ELP4: variants seen among roughly 807,000 people sequenced by gnomAD.
ELP4 encodes elongator acetyltransferase complex subunit 4.
In ELP4, 51 loss-of-function variants were observed where a neutral mutation model predicts 48.9. That is an observed-to-expected ratio of 1.04 (90% CI 0.83 to 1.32). The LOEUF (loss-of-function observed/expected upper bound fraction) is 1.32. Ranked by LOEUF, ELP4 falls within the 40% of genes most tolerant of loss-of-function variation. The probability of loss-of-function intolerance (pLI) is 0.00; values close to 1 mark genes in which losing one functional copy is unlikely to be tolerated. For synonymous variants in ELP4, 210 were observed against 189.2 expected (o/e 1.11, Z -0.90); for missense variants, 519 against 514.6 (o/e 1.01, Z -0.08).
intron 5 of ELP4, among the ~76,000 whole-genome samples, chr11:31,604,178 G>C (rs908198881): frequency 1.3e-5 from 2 of 151,638 alleles, no homozygotes; most frequent in Non-Finnish European, 3.0e-5. Flanking sequence ...ATAAGTGCTG[G>C]TTTTCAAGAA....
At chr11:31,539,863 G>A in intron 3 of ELP4, 80 bp downstream of exon 3, 1 of 1,222,220 alleles carries the variant, frequency 8.2e-7, no homozygotes. Context: ...CAAGATATAT[G>A]TTTGTATATA....
intron 1 of ELP4, chr11:31,510,523 G>A: frequency 2.5e-6 from 1 of 405,228 alleles, no homozygotes; most frequent in Admixed American, 4.1e-5. Flanking sequence ...CTTTAAGAGA[G>A]CGAATGTTAA....
chr11:31,761,288 T>C (rs955878560), intron 9 of ELP4, among the ~76,000 whole-genome samples: 1 of 150,974 alleles, frequency 6.6e-6, no homozygotes, highest in African/African-American at 2.4e-5. Context: ...CAGTGAGCCA[T>C]GATTGCACGA....
At chr11:31,517,914 G>A (rs540931314) in intron 1 of ELP4, among the ~76,000 whole-genome samples, 113 of 151,562 alleles carry the variant, frequency 7.5e-4, no homozygotes, top group Middle Eastern at 3.4e-3. Context: ...CACCGCACCC[G>A]GCCCAACTTT....
At chr11:31,565,874 A>T (rs1170038606) in intron 3 of ELP4, among the ~76,000 whole-genome samples, 1 of 152,172 alleles carries the variant, frequency 6.6e-6, no homozygotes. Context: ...TTGGTTCCAT[A>T]TGAACTGTAA....
Position 31,785,780 on chromosome 11 carries a change from ATC to A in ELP4, c.*2262_*2263del, listed in dbSNP as rs1326247875. The A allele has an allele frequency of 5.2e-6, 1 of 194,060 alleles. No individual in the cohort carries two copies. The highest frequency in any genetic ancestry group is 2.3e-5 in the African/African-American group (1 of 43,168). 12.0% of individuals were successfully genotyped at this position (194,060 alleles called of 1,614,324 possible). A position where few individuals can be genotyped will look rare whatever the true frequency, so the allele number is the denominator to read the frequency against. On this transcript the variant is annotated 3_prime_UTR_variant, in exon 10 of 10. Transcript: ENST00000640961. ...TGTTAATAACTTACTACATAAACAT[ATC>A]TCTCTTCAATAATGCTACCTTAGGT...
chr11:31,646,284 T>C (rs1454857519), intron 7 of ELP4: 1 of 151,866 alleles, frequency 6.6e-6, no homozygotes, highest in Non-Finnish European at 1.5e-5. Context: ...TTTTACTGAT[T>C]CTTTTTAACA....
chr11:31,563,276 T>C lies in ELP4; in HGVS notation c.381+23493T>C, dbSNP rs964794275. Among the ~76,000 whole-genome samples, 2 of 152,098 alleles carry C rather than the reference T, an allele frequency of 1.3e-5. 1 individual carries two copies. On this transcript the variant is annotated intron_variant, in intron 3 of 9. Transcript: ENST00000640961. ...TGATGCCCATAGTTGGTGTAATGCA[T>C]TGGTGATTAAGAGGGTGTGAGGTTA...
intron 9 of ELP4, among the ~76,000 whole-genome samples, chr11:31,773,878 A>G (rs1281561597): frequency 6.6e-6 from 1 of 152,170 alleles, no homozygotes; most frequent in African/African-American, 2.4e-5. Flanking sequence ...TGACTGTTAC[A>G]TTGTAAGACT....
At chr11:31,587,904 T>C (rs1032092000) in intron 3 of ELP4, among the ~76,000 whole-genome samples, 4 of 152,168 alleles carry the variant, frequency 2.6e-5, no homozygotes, top group Non-Finnish European at 5.9e-5. Context: ...ATTCATGTTT[T>C]ATGTATGCAC....
chr11:31,560,928 T>C (rs1348700836), intron 3 of ELP4, among the ~76,000 whole-genome samples: 1 of 152,024 alleles, frequency 6.6e-6, no homozygotes, highest in East Asian at 1.9e-4. Flanking sequence ...GCTGTACAGG[T>C]TGGTAGCCTA....
chr11:31,766,635 AT>A (rs1394502670), intron 9 of ELP4, among the ~76,000 whole-genome samples: 1 of 152,106 alleles, frequency 6.6e-6, no homozygotes, highest in Admixed American at 6.5e-5. Context: ...GACTGTTGAA[AT>A]ATACAAGACA....
At chr11:31,574,437 C>T (rs994685269) in intron 3 of ELP4, among the ~76,000 whole-genome samples, 8 of 152,174 alleles carry the variant, frequency 5.3e-5, no homozygotes, top group African/African-American at 1.4e-4. Context: ...AGAGAGTAGT[C>T]GTTCTCCCAG....
At chr11:31,624,725 A>T (rs1028492484) in intron 5 of ELP4, among the ~76,000 whole-genome samples, 2 of 151,814 alleles carry the variant, frequency 1.3e-5, no homozygotes, top group Admixed American at 6.6e-5. Context: ...ACAGCTTAAA[A>T]CACACTTCAC....
chr11:31,530,074 G>A (rs982923700), intron 2 of ELP4, among the ~76,000 whole-genome samples: 1 of 152,170 alleles, frequency 6.6e-6, no homozygotes, highest in African/African-American at 2.4e-5. Context: ...AGACTTGTAG[G>A]AAGAGGTATC....
chr11:31,607,999 G>A (rs1171255877), intron 5 of ELP4, among the ~76,000 whole-genome samples: 1 of 151,634 alleles, frequency 6.6e-6, no homozygotes, highest in African/African-American at 2.4e-5. Flanking sequence ...CTGCTGCTAG[G>A]GAGTCTAGTT....
intron 5 of ELP4, among the ~76,000 whole-genome samples, chr11:31,605,727 C>T (rs1957862804): frequency 6.6e-6 from 1 of 152,062 alleles, no homozygotes; most frequent in Admixed American, 6.6e-5. Context: ...AGGGGATTAG[C>T]ATGTGTCAAA....
chr11:31,769,799 C>T (rs968614301), intron 9 of ELP4, among the ~76,000 whole-genome samples: 3 of 151,408 alleles, frequency 2.0e-5, no homozygotes, highest in East Asian at 3.9e-4. Context: ...TAAAAAAAAA[C>T]GAGGATAAAA....
chr11:31,553,649 C>T (rs186284114), intron 3 of ELP4, among the ~76,000 whole-genome samples: 1 of 151,686 alleles, frequency 6.6e-6, no homozygotes, highest in Admixed American at 6.6e-5. Context: ...GCCAACTTAT[C>T]CTGCAGGTCT....
Sources: allele counts gnomAD v4.1 joint callset (sites outside exome capture counted in the v4.1 genomes callset), GRCh38; gene constraint gnomAD v4.1.1; transcripts MANE v1.5; gene names NCBI Gene and HGNC (gene_info 2026-07-23, HGNC 2026-07-21).